Variants in DNAJB14 observed in about 807,000 individuals in gnomAD.
DNAJB14 encodes dnaJ homolog subfamily B member 14.
DNAJB14 carries 22 observed loss-of-function variants against 48.4 expected under a neutral mutation model. The observed-to-expected ratio is 0.45, with a 90% CI of 0.32 to 0.65. The LOEUF (loss-of-function observed/expected upper bound fraction) is 0.65, where lower values mean the gene tolerates loss of function less well. DNAJB14 is among the 30% of genes least tolerant of loss of function. The pLI is 0.03. For synonymous variants in DNAJB14, 142 were observed against 158.7 expected, an observed-to-expected ratio of 0.89 and a Z score of 0.79; for missense variants, 319 against 458.8, an observed-to-expected ratio of 0.70 and a Z score of 2.78.
At chr4:99,913,324 G>A (rs964456534) in intron 3 of DNAJB14, among the ~76,000 whole-genome samples, 1 of 152,136 alleles carries the variant, frequency 6.6e-6, no homozygotes, top group African/African-American at 2.4e-5. Flanking sequence ...TTCTGTAGTT[G>A]CTCTTTATCA....
intron 2 of DNAJB14, chr4:99,923,920 C>CA (rs1726154009): frequency 1.0e-6 from 1 of 970,812 alleles, no homozygotes; most frequent in Non-Finnish European, 1.2e-6. Flanking sequence ...ACACGTGACT[C>CA]AAAAAATGTT....
At chr4:99,904,031 C>T (rs1329021881) in intron 6 of DNAJB14, 133 bp from the exon 7 acceptor site, 7 of 927,354 alleles carry the variant, frequency 7.5e-6, no homozygotes, top group South Asian at 1.8e-5. Context: ...ATCCCTAATC[C>T]GAAACTCTGA....
chr4:99,943,403 A>C (rs1246882956), intron 1 of DNAJB14, among the ~76,000 whole-genome samples: 1 of 152,180 alleles, frequency 6.6e-6, no homozygotes, highest in African/African-American at 2.4e-5. Flanking sequence ...GTATCTTATA[A>C]TATCTTTTAG....
intron 2 of DNAJB14, chr4:99,929,460 A>C (rs1726381118): frequency 6.6e-6 from 1 of 152,184 alleles, no homozygotes; most frequent in Non-Finnish European, 1.5e-5. Flanking sequence ...TAGCATTTAA[A>C]TATATAGGGA....
chr4:99,914,327 A>C (rs376251416), intron 3 of DNAJB14, among the ~76,000 whole-genome samples: 2 of 152,188 alleles, frequency 1.3e-5, no homozygotes, highest in Non-Finnish European at 2.9e-5. Flanking sequence ...AAAAATGATG[A>C]GTTCATGTCC....
chr4:99,901,597 C>A (rs1725297046), intron 7 of DNAJB14, among the ~76,000 whole-genome samples: 1 of 151,908 alleles, frequency 6.6e-6, no homozygotes, highest in Non-Finnish European at 1.5e-5. Context: ...TCTGAGTTTA[C>A]TTAAATTAAA....
rs894327842 is a variant in DNAJB14, at chr4:99,899,278, A to T, written c.*1750T>A. The T allele has an allele frequency of 1.9e-4, 29 of 151,874 alleles. No homozygotes were observed. Among genetic ancestry groups the T allele is most frequent in the Admixed American group, 1.4e-3 (21 of 15,248 alleles). 9.4% of individuals were successfully genotyped at this position (151,874 alleles called of 1,614,324 possible). On this transcript the variant is annotated 3_prime_UTR_variant, in exon 8 of 8. Coordinates refer to ENST00000442697, the MANE Select transcript of DNAJB14 (RefSeq NM_001031723.4). The stretch of plus-strand genomic sequence containing the variant: ...ATTTTTTTCATTCAAATTTTCATAA[A>T]TTTTCTGATGCATATGAACTTTCAA...
intron 1 of DNAJB14, among the ~76,000 whole-genome samples, chr4:99,939,786 C>CT (rs1302858989): frequency 6.6e-6 from 1 of 152,212 alleles, no homozygotes; most frequent in Non-Finnish European, 1.5e-5. Flanking sequence ...ATCACTGGAA[C>CT]TGATGCCTAA....
In DNAJB14 at chr4:99,897,129, C is replaced by T. The variant is rs1235773411; in HGVS notation, c.*3899G>A. The T allele has an allele frequency of 6.7e-6, 1 of 150,164 alleles. No individual in the cohort carries two copies. The highest frequency in any genetic ancestry group is 1.5e-5 in the Non-Finnish European group (1 of 67,660). 9.3% of individuals were successfully genotyped at this position (150,164 alleles called of 1,614,324 possible). ...ATCCACTGCTAATGGAAGCCCTGCT[C>T]TGTGCAAACATAGTGTGGTATATAT... On this transcript the variant is annotated 3_prime_UTR_variant, in exon 8 of 8. Transcript: ENST00000442697.
intron 6 of DNAJB14, among the ~76,000 whole-genome samples, chr4:99,905,390 G>T (rs150905848): frequency 1.8e-3 from 270 of 152,068 alleles, no homozygotes; most frequent in African/African-American, 6.2e-3. Context: ...ATCCACAGTG[G>T]AAGAATAGAA....
intron 1 of DNAJB14, among the ~76,000 whole-genome samples, chr4:99,944,994 G>A (rs535802112): frequency 3.9e-5 from 6 of 152,340 alleles, no homozygotes; most frequent in East Asian, 1.9e-4. Flanking sequence ...CTACCTATCT[G>A]AGGTAACTAA....
intron 2 of DNAJB14, chr4:99,929,680 CCTAA>C (rs1353248734): frequency 6.6e-6 from 1 of 152,030 alleles, no homozygotes; most frequent in Non-Finnish European, 1.5e-5. Context: ...AAAGACTTAA[CCTAA>C]CTAATTTTAA....
chr4:99,902,149 C>T lies in DNAJB14; in HGVS notation c.1016-997G>A, dbSNP rs574584449. 9.9e-5 allele frequency among the ~76,000 whole-genome samples: 15 copies of T among 152,232 alleles called. No individual in the cohort carries two copies. In the South Asian group the frequency reaches 2.5e-3, roughly 25 times the overall value. ...GATAAACCGAAGTTCACACTGCTAA[C>T]GAATGGCAGAGTCTAGATTCCAGTC... On this transcript the variant is annotated intron_variant, in intron 7 of 7. Transcript: ENST00000442697.
At chr4:99,930,706 T>C (rs981947791) in intron 1 of DNAJB14, 85 bp from the exon 2 acceptor site, 39 of 1,400,014 alleles carry the variant, frequency 2.8e-5, no homozygotes, top group Non-Finnish European at 3.3e-5. Context: ...AGCAGACAAA[T>C]TATGAAGTGT....
chr4:99,921,484 A>T (rs1726058902), intron 3 of DNAJB14, among the ~76,000 whole-genome samples: 1 of 152,220 alleles, frequency 6.6e-6, no homozygotes, highest in Non-Finnish European at 1.5e-5. Flanking sequence ...TTATTCAAAG[A>T]TGCTAACATG....
chr4:99,922,918 A>G (rs768832599), intron 3 of DNAJB14, 122 bp downstream of exon 3: 6 of 1,120,392 alleles, frequency 5.4e-6, no homozygotes, highest in Non-Finnish European at 7.3e-6. Context: ...AGGATTTTCC[A>G]GACTCTTGCT....
chr4:99,946,232 G>A (rs1727065280), intron 1 of DNAJB14, among the ~76,000 whole-genome samples: 1 of 152,118 alleles, frequency 6.6e-6, no homozygotes, highest in Admixed American at 6.5e-5. Context: ...GGAACCTCGC[G>A]CAGCATTCCC....
At chr4:99,902,363 G>A (rs1725323722) in intron 7 of DNAJB14, among the ~76,000 whole-genome samples, 1 of 149,364 alleles carries the variant, frequency 6.7e-6, no homozygotes, top group Non-Finnish European at 1.5e-5. Context: ...AGTATCTCCA[G>A]ACGTTACCAA....
chr4:99,915,259 T>C (rs1338164457), intron 3 of DNAJB14, among the ~76,000 whole-genome samples: 3 of 152,132 alleles, frequency 2.0e-5, no homozygotes, highest in Non-Finnish European at 4.4e-5. Context: ...TGCCTCAGCC[T>C]CCCGAGTAGC....
Sources: gnomAD v4.1 joint callset for allele counts (sites outside exome capture counted in the v4.1 genomes callset) on GRCh38, gnomAD v4.1.1 for gene constraint, MANE v1.5 for transcripts, NCBI Gene and HGNC (gene_info 2026-07-23, HGNC 2026-07-21) for gene names.